PDZRN3: variants seen among roughly 807,000 people sequenced by gnomAD.
PDZRN3 encodes the protein E3 ubiquitin-protein ligase PDZRN3.
PDZRN3 carries 38 observed loss-of-function variants against 85.7 expected under a neutral mutation model. The observed-to-expected ratio is 0.44, with a 90% CI of 0.34 to 0.58. The LOEUF is 0.58. PDZRN3 is among the 20% of genes least tolerant of loss of function. The pLI is 0.01. For missense variants in PDZRN3, 1,629 were observed against 1,506.4 expected, an observed-to-expected ratio of 1.08 and a Z score of -1.35; for synonymous variants, 759 against 638.0, an observed-to-expected ratio of 1.19 and a Z score of -2.86.
At chr3:73,531,868 G>A (rs1392695799) in intron 3 of PDZRN3, among the ~76,000 whole-genome samples, 2 of 152,212 alleles carry the variant, frequency 1.3e-5, no homozygotes, top group Non-Finnish European at 2.9e-5. Flanking sequence ...TCCACCCAAC[G>A]GAAGCAGCCA....
intron 3 of PDZRN3, among the ~76,000 whole-genome samples, chr3:73,442,322 G>A (rs35798016): frequency 0.084 from 12,753 of 152,140 alleles, 606 homozygotes; most frequent in Middle Eastern, 0.18. Flanking sequence ...TTCAGGTGGC[G>A]GGCCTTTGCA....
intron 3 of PDZRN3, among the ~76,000 whole-genome samples, chr3:73,540,630 C>T (rs1010309419): frequency 6.6e-6 from 1 of 152,206 alleles, no homozygotes. Context: ...TTGCTCAGCA[C>T]TTCTCCTTCC....
At chr3:73,429,325 C>T (rs1476489832) in intron 3 of PDZRN3, among the ~76,000 whole-genome samples, 2 of 152,204 alleles carry the variant, frequency 1.3e-5, no homozygotes, top group Non-Finnish European at 2.9e-5. Context: ...CACACTCCTA[C>T]TTGCAGGAAA....
At chr3:73,393,364 G>A (rs921538413) in intron 5 of PDZRN3, among the ~76,000 whole-genome samples, 3 of 151,924 alleles carry the variant, frequency 2.0e-5, no homozygotes, top group Middle Eastern at 3.4e-3. Flanking sequence ...TACTACTACT[G>A]CTACTCAAAG....
chr3:73,515,948 A>G (rs906744349), intron 3 of PDZRN3, among the ~76,000 whole-genome samples: 7 of 152,272 alleles, frequency 4.6e-5, no homozygotes, highest in South Asian at 4.1e-4. Context: ...CCTTTCAGAT[A>G]AAAGCATATA....
Position 73,382,462 on chromosome 3 carries a change from C to T in PDZRN3, c.*903G>A, listed in dbSNP as rs1703251382. The T allele has an allele frequency of 6.6e-6, 1 of 152,424 alleles. No homozygotes were observed. Among genetic ancestry groups the T allele is most frequent in the African/African-American group, 2.4e-5 (1 of 41,418 alleles). 9.4% of individuals were successfully genotyped at this position (152,424 alleles called of 1,614,324 possible). A position where few individuals can be genotyped will look rare whatever the true frequency, so the allele number is the denominator to read the frequency against. On this transcript the variant is annotated 3_prime_UTR_variant, in exon 10 of 10. Coordinates refer to ENST00000263666, the MANE Select transcript of PDZRN3 (RefSeq NM_015009.3). ...GCAAAAGGCTTTTATTTTATAGGCA[C>T]CACTGCAAAATGAGGAATCACATCA... is the stretch of plus-strand genomic sequence containing the variant.
intron 3 of PDZRN3, among the ~76,000 whole-genome samples, chr3:73,504,809 G>A (rs11917619): frequency 0.25 from 38,452 of 152,102 alleles, 5,221 homozygotes; most frequent in Middle Eastern, 0.35. Context: ...AGATAACTGC[G>A]TTAGTATCAT....
chr3:73,562,512 C>T (rs1701840986), intron 3 of PDZRN3, among the ~76,000 whole-genome samples: 1 of 152,144 alleles, frequency 6.6e-6, no homozygotes, highest in South Asian at 2.1e-4. Flanking sequence ...TATATCATTA[C>T]TAAGACGTCA....
chr3:73,535,232 T>C (rs934048887), intron 3 of PDZRN3, among the ~76,000 whole-genome samples: 2 of 152,186 alleles, frequency 1.3e-5, no homozygotes, highest in Non-Finnish European at 2.9e-5. Context: ...AGAAATATAT[T>C]ATTGTTGCAG....
Position 73,624,375 on chromosome 3 carries a change from T to C in PDZRN3, c.451A>G (p.Thr151Ala), listed in dbSNP as rs1203929659. The C allele has an allele frequency of 3.1e-6, 4 of 1,310,612 alleles. No homozygotes were observed. The highest frequency in any genetic ancestry group is 2.2e-5 in the South Asian group (1 of 45,924). The allele number at this position is 1,310,612 out of a possible 1,614,324, so 81.2% of individuals were successfully genotyped here. A position where few individuals can be genotyped will look rare whatever the true frequency, so the allele number is the denominator to read the frequency against. ...CCGCCCGCGCGCTGCTCGCCGTGCG[T>C]CAAGGGTAGCCCGCAGCCCTCCTGG... ...RCQEGCGLPLTHGEQRAGGHC... is the reference protein window; with the variant it reads ...RCQEGCGLPLAHGEQRAGGHC... Residue 151 changes from threonine to alanine, a missense_variant, in exon 1 of 10, where the codon ACG becomes GCG. Thr to Ala is a moderately conservative substitution (Grantham distance 58). Transcript: ENST00000263666.
At chr3:73,433,031 C>T (rs1702463161) in intron 3 of PDZRN3, among the ~76,000 whole-genome samples, 1 of 152,184 alleles carries the variant, frequency 6.6e-6, no homozygotes, top group Non-Finnish European at 1.5e-5. Context: ...ATGTTGCTCA[C>T]AATGACTCAG....
chr3:73,441,616 C>A (rs1018425425), intron 3 of PDZRN3, among the ~76,000 whole-genome samples: 3 of 152,038 alleles, frequency 2.0e-5, no homozygotes, highest in Non-Finnish European at 4.4e-5. Flanking sequence ...GGAACTGGGG[C>A]TCAGGGAGGC....
At chr3:73,544,951 T>C (rs1419219777) in intron 3 of PDZRN3, among the ~76,000 whole-genome samples, 4 of 151,690 alleles carry the variant, frequency 2.6e-5, no homozygotes, top group African/African-American at 9.7e-5. Context: ...GTATTCCCCA[T>C]CTCCAATGCA....
intron 3 of PDZRN3, among the ~76,000 whole-genome samples, chr3:73,487,420 G>A (rs754891147): frequency 2.0e-5 from 3 of 152,044 alleles, no homozygotes; most frequent in African/African-American, 4.8e-5. Context: ...CATTTTAAAC[G>A]TTCACTCTTT....
At chr3:73,578,764 G>T (rs1235638796) in intron 3 of PDZRN3, among the ~76,000 whole-genome samples, 1 of 151,998 alleles carries the variant, frequency 6.6e-6, no homozygotes, top group Admixed American at 6.6e-5. Flanking sequence ...TGAGGAACCT[G>T]CCCCCCTTTC....
intron 3 of PDZRN3, among the ~76,000 whole-genome samples, chr3:73,509,177 T>C (rs2106702579): frequency 6.6e-6 from 1 of 152,356 alleles, no homozygotes; most frequent in South Asian, 2.1e-4. Context: ...CCATTTCTTA[T>C]GTGTTTTGAC....
rs75720177 is a variant in PDZRN3, at chr3:73,385,103, C to T, written c.1636-173G>A. Among the ~76,000 whole-genome samples the T allele has an allele frequency of 2.5e-3, 376 of 152,332 alleles. 1 individual carries two copies. Among genetic ancestry groups the T allele is most frequent in the Middle Eastern group, 6.8e-3 (2 of 294 alleles). On this transcript the variant is annotated intron_variant, in intron 9 of 9. Transcript: ENST00000263666. The stretch of plus-strand genomic sequence containing the variant: ...AGCGTGGGCCTTAGCTACACCTACC[C>T]GTATCTACCTGGGCAAGTCACTTAT...
intron 3 of PDZRN3, among the ~76,000 whole-genome samples, chr3:73,581,262 C>A (rs932348281): frequency 2.0e-5 from 3 of 152,186 alleles, no homozygotes; most frequent in African/African-American, 7.2e-5. Flanking sequence ...ACTAAACACT[C>A]CCCATGCTGT....
At chr3:73,488,726 C>T (rs1297178010) in intron 3 of PDZRN3, among the ~76,000 whole-genome samples, 3 of 152,214 alleles carry the variant, frequency 2.0e-5, no homozygotes, top group African/African-American at 4.8e-5. Context: ...TTAGGAGAAC[C>T]CTGTGCTTGG....
Sources: gnomAD v4.1 joint callset for allele counts (sites outside exome capture counted in the v4.1 genomes callset) on GRCh38, gnomAD v4.1.1 for gene constraint, MANE v1.5 for transcripts, NCBI Gene and HGNC (gene_info 2026-07-23, HGNC 2026-07-21) for gene names.